Variants in MTMR14 observed in about 807,000 individuals in gnomAD.
MTMR14 encodes myotubularin related protein 14.
In MTMR14, 48 loss-of-function variants were observed where a neutral mutation model predicts 86.3. The ratio of observed to expected loss-of-function variants is 0.56; its 90% CI spans 0.44 to 0.71. The LOEUF (loss-of-function observed/expected upper bound fraction) is 0.71. Ranked by LOEUF, MTMR14 falls within the 30% of genes least tolerant of loss-of-function variation. The pLI is 0.00. For synonymous variants in MTMR14, 366 were observed against 326.1 expected (o/e 1.12, Z -1.32); for missense variants, 780 against 834.6 (o/e 0.93, Z 0.81).
intron 17 of MTMR14, among the ~76,000 whole-genome samples, chr3:9,694,691 A>C (rs1296860864): frequency 6.6e-6 from 1 of 152,224 alleles, no homozygotes; most frequent in Non-Finnish European, 1.5e-5. Flanking sequence ...GCTGCGTAAA[A>C]GGCCAGGCCT....
chr3:9,653,669 TGTTTCAGC>T lies in MTMR14; in HGVS notation c.211_218del (p.Phe71AspfsTer22), dbSNP rs1419694315. 2.5e-6 allele frequency: 4 copies of T among 1,614,086 alleles called. No individual in the cohort carries two copies. Among genetic ancestry groups the T allele is most frequent in the Admixed American group, 3.3e-5 (2 of 59,994 alleles). ...TCTGGAGCTGTTTGGCCGAGACTAC[TGTTTCAGC>T]GTGATTCCAAACACGAATGGGGATA... is the stretch of plus-strand genomic sequence containing the variant. On this transcript the variant is annotated frameshift_variant, in exon 2 of 19. Transcript: ENST00000296003. LOFTEE classifies it high-confidence loss of function.
At chr3:9,656,564 G>T (rs1448231941) in intron 2 of MTMR14, among the ~76,000 whole-genome samples, 1 of 152,064 alleles carries the variant, frequency 6.6e-6, no homozygotes, top group Non-Finnish European at 1.5e-5. Context: ...TGGAATTACA[G>T]GTGTGTGGCA....
intron 9 of MTMR14, among the ~76,000 whole-genome samples, chr3:9,681,954 C>T (rs1199605721): frequency 6.6e-6 from 1 of 151,200 alleles, no homozygotes; most frequent in Non-Finnish European, 1.5e-5. Context: ...AGACAGCCGT[C>T]ATGGTGGCTG....
intron 7 of MTMR14, among the ~76,000 whole-genome samples, chr3:9,674,406 G>A (rs1378797411): frequency 6.6e-6 from 1 of 152,162 alleles, no homozygotes; most frequent in Non-Finnish European, 1.5e-5. Context: ...ATTTGTAATA[G>A]CAAAACAAGA....
intron 17 of MTMR14, among the ~76,000 whole-genome samples, chr3:9,693,140 A>G (rs145359222): frequency 2.6e-5 from 4 of 152,350 alleles, no homozygotes; most frequent in Admixed American, 6.5e-5. Flanking sequence ...GACCGAAACA[A>G]TAAAGGAAAC....
chr3:9,662,230 A>G, intron 2 of MTMR14, 37 bp from the exon 3 acceptor site: 1 of 1,572,958 alleles, frequency 6.4e-7, no homozygotes. Context: ...GCCCACTTCA[A>G]AGTCAGCTTG....
chr3:9,687,690 G>C, intron 13 of MTMR14, 131 bp from the exon 14 acceptor site: 1 of 746,786 alleles, frequency 1.3e-6, no homozygotes, highest in Non-Finnish European at 2.3e-6. Flanking sequence ...TTATGGACCA[G>C]AACACCCACA....
chr3:9,651,474 A>G (rs956259970), intron 1 of MTMR14, among the ~76,000 whole-genome samples: 10 of 152,242 alleles, frequency 6.6e-5, no homozygotes, highest in African/African-American at 2.4e-4. Context: ...ATGACCCTGA[A>G]GATTAGGGTT....
intron 6 of MTMR14, among the ~76,000 whole-genome samples, chr3:9,671,708 A>G (rs376656660): frequency 2.0e-5 from 3 of 152,182 alleles, no homozygotes; most frequent in Non-Finnish European, 2.9e-5. Flanking sequence ...ATTTTACTTC[A>G]GTGACTGCTG....
In MTMR14 at chr3:9,649,553, G is replaced by A. The variant is rs1248228820; in HGVS notation, c.-31G>A. ...GCAGGCAGGTGCCATGGGCCCGCTTGAGGCACACTGAGGGGACGCGGGGCT... is the reference window on the plus strand; with the variant it reads ...GCAGGCAGGTGCCATGGGCCCGCTTAAGGCACACTGAGGGGACGCGGGGCT... On this transcript the variant is annotated 5_prime_UTR_variant, in exon 1 of 19. Coordinates refer to ENST00000296003, the MANE Select transcript of MTMR14 (RefSeq NM_001077525.3). The A allele has an allele frequency of 1.3e-6, 2 of 1,528,954 alleles. No individual in the cohort carries two copies. Among genetic ancestry groups the A allele is most frequent in the Non-Finnish European group, 1.8e-6 (2 of 1,139,138 alleles). 94.7% of individuals were successfully genotyped at this position (1,528,954 alleles called of 1,614,324 possible). A position where few individuals can be genotyped will look rare whatever the true frequency, so the allele number is the denominator to read the frequency against.
intron 9 of MTMR14, among the ~76,000 whole-genome samples, chr3:9,682,123 T>A (rs2075788139): frequency 6.6e-6 from 1 of 152,208 alleles, no homozygotes; most frequent in Non-Finnish European, 1.5e-5. Flanking sequence ...CCATTGGCAA[T>A]GGTGTGTCTG....
At chr3:9,669,368 G>GGAGGC in intron 4 of MTMR14, 64 bp from the exon 5 acceptor site, 1 of 1,549,518 alleles carries the variant, frequency 6.5e-7, no homozygotes, top group Non-Finnish European at 8.9e-7. Flanking sequence ...AGGCTGGTGA[G>GGAGGC]GAGGCCCCTG....
chr3:9,688,884 G>GGT (rs2076049840), intron 15 of MTMR14, 60 bp from the exon 16 acceptor site: 1 of 1,611,454 alleles, frequency 6.2e-7, no homozygotes, highest in East Asian at 2.2e-5. Flanking sequence ...GTATAGAAAA[G>GGT]GTGGGGGACC....
At position 9,655,050 on chromosome 3, in the gene MTMR14, T is replaced by C. The variant is rs757333353; in HGVS notation, c.308+1281T>C. On this transcript the variant is annotated intron_variant, in intron 2 of 18. Transcript: ENST00000296003. ...GGTTGTGTGTGGGTATCAGTGGTTTTATTGTGCTAGGAACCCCTAAGCACT... is the reference window on the plus strand; with the variant it reads ...GGTTGTGTGTGGGTATCAGTGGTTTCATTGTGCTAGGAACCCCTAAGCACT... 6.6e-5 allele frequency among the ~76,000 whole-genome samples: 10 copies of C among 152,234 alleles called. No individual in the cohort carries two copies. The South Asian group carries it at 1.0e-3, about 16-fold the overall frequency.
chr3:9,674,041 A>G (rs1359234063), intron 7 of MTMR14, among the ~76,000 whole-genome samples: 2 of 152,116 alleles, frequency 1.3e-5, no homozygotes, highest in South Asian at 4.2e-4. Flanking sequence ...GGGGGTCCAC[A>G]CTGGAACCAC....
At chr3:9,689,103 C>A (rs976655337) in intron 16 of MTMR14, 21 bp downstream of exon 16, 6 of 1,606,450 alleles carry the variant, frequency 3.7e-6, no homozygotes, top group Non-Finnish European at 3.4e-6. Context: ...AGACTTGGAC[C>A]AAGGTCACTC....
chr3:9,651,606 G>A (rs1481236908), intron 1 of MTMR14, among the ~76,000 whole-genome samples: 1 of 152,190 alleles, frequency 6.6e-6, no homozygotes, highest in Non-Finnish European at 1.5e-5. Context: ...AGGCAGAACA[G>A]GGAGTTAGAT....
chr3:9,662,215 A>G (rs1559565988), intron 2 of MTMR14, 52 bp from the exon 3 acceptor site: 1 of 1,394,542 alleles, frequency 7.2e-7, no homozygotes. Flanking sequence ...ACATATACAC[A>G]AAGTGCCCAC....
At chr3:9,659,817 A>G (rs1256679105) in intron 2 of MTMR14, 1 of 456,792 alleles carries the variant, frequency 2.2e-6, no homozygotes, top group South Asian at 1.5e-5. Flanking sequence ...AAGGTGGGTC[A>G]TTACATTAAA....
Sources: gnomAD v4.1 joint callset for allele counts (sites outside exome capture counted in the v4.1 genomes callset) on GRCh38, gnomAD v4.1.1 for gene constraint, MANE v1.5 for transcripts, NCBI Gene and HGNC (gene_info 2026-07-23, HGNC 2026-07-21) for gene names.